Variants in TBC1D4 observed in about 807,000 individuals in gnomAD.
TBC1D4 encodes the protein TBC1 domain family member 4, also known as TBC (Tre-2, BUB2, CDC16) domain-containing protein.
TBC1D4 carries 121 observed loss-of-function variants against 142.5 expected under a neutral mutation model. The ratio of observed to expected loss-of-function variants is 0.85; its 90% CI spans 0.73 to 0.99. The LOEUF is 0.99. Ranked by LOEUF, TBC1D4 falls within the 50% of genes least tolerant of loss-of-function variation. The pLI is 0.00. For missense variants in TBC1D4, 1,475 were observed against 1,606.6 expected, an observed-to-expected ratio of 0.92 and a Z score of 1.40; for synonymous variants, 630 against 628.2, an observed-to-expected ratio of 1.00 and a Z score of -0.04.
At chr13:75,349,779 C>T (rs1881455588) in intron 4 of TBC1D4, among the ~76,000 whole-genome samples, 1 of 152,128 alleles carries the variant, frequency 6.6e-6, no homozygotes, top group Non-Finnish European at 1.5e-5. Context: ...AAGTAAAGTT[C>T]TGGATAAAAA....
chr13:75,378,904 C>T (rs1194232832), intron 1 of TBC1D4, among the ~76,000 whole-genome samples: 5 of 152,026 alleles, frequency 3.3e-5, no homozygotes, highest in African/African-American at 1.2e-4. Flanking sequence ...TCTACAATAC[C>T]TTTCAAAGCT....
At chr13:75,374,967 A>G (rs575775341) in intron 1 of TBC1D4, among the ~76,000 whole-genome samples, 1 of 152,272 alleles carries the variant, frequency 6.6e-6, no homozygotes, top group African/African-American at 2.4e-5. Flanking sequence ...CCTGCCTCCA[A>G]AGTAGCCACA....
rs531116943 is a variant in TBC1D4 at position 75,366,769 on chromosome 13, C to G, written c.499-4162G>C. ...GTTATCATAGTTACTTAACATACTT[C>G]AAAAAACCCATTAACATTTTATAAA... On this transcript the variant is annotated intron_variant, in intron 1 of 20. Transcript: ENST00000377636. 5 of 198,522 alleles carry G rather than the reference C, an allele frequency of 2.5e-5. No individual in the cohort carries two copies. The South Asian group carries it at 8.8e-4, about 35-fold the overall frequency. The allele number at this position is 198,522 out of a possible 1,614,324, so 12.3% of individuals were successfully genotyped here. A position where few individuals can be genotyped will look rare whatever the true frequency, so the allele number is the denominator to read the frequency against.
intron 10 of TBC1D4, among the ~76,000 whole-genome samples, chr13:75,324,602 C>T (rs1277622516): frequency 2.0e-5 from 3 of 152,064 alleles, no homozygotes; most frequent in African/African-American, 7.2e-5. Context: ...CATTCCTTTA[C>T]AATTTGAATT....
At chr13:75,421,077 T>C (rs751607917) in intron 1 of TBC1D4, among the ~76,000 whole-genome samples, 21 of 152,240 alleles carry the variant, frequency 1.4e-4, no homozygotes, top group Non-Finnish European at 2.5e-4. Flanking sequence ...TTCACTTATC[T>C]ATAATGAAGC....
At chr13:75,421,749 T>A (rs891375661) in intron 1 of TBC1D4, among the ~76,000 whole-genome samples, 1 of 152,172 alleles carries the variant, frequency 6.6e-6, no homozygotes, top group African/African-American at 2.4e-5. Context: ...ATATTAAAAA[T>A]AACGAAGTAC....
At chr13:75,336,285 T>C (rs1010788598) in intron 8 of TBC1D4, among the ~76,000 whole-genome samples, 4 of 151,970 alleles carry the variant, frequency 2.6e-5, no homozygotes, top group African/African-American at 4.8e-5. Context: ...TAGTCCCAGC[T>C]ACTCAGGAGG....
chr13:75,421,837 T>C (rs1377954825), intron 1 of TBC1D4, among the ~76,000 whole-genome samples: 9 of 151,340 alleles, frequency 5.9e-5, no homozygotes, highest in Non-Finnish European at 1.3e-4. Flanking sequence ...AAGTTAATTA[T>C]TGTGACTTAA....
intron 4 of TBC1D4, 85 bp from the exon 5 acceptor site, chr13:75,349,387 G>C: frequency 6.5e-7 from 1 of 1,538,970 alleles, no homozygotes; most frequent in African/African-American, 1.4e-5. Context: ...AGCCTTTGTT[G>C]ATGCTGACTA....
intron 1 of TBC1D4, among the ~76,000 whole-genome samples, chr13:75,448,483 G>A (rs773635285): frequency 9.9e-5 from 15 of 151,022 alleles, no homozygotes; most frequent in African/African-American, 1.5e-4. Context: ...TGGGAGAATC[G>A]CTTGAACCCG....
chr13:75,336,801 C>A, intron 8 of TBC1D4, 120 bp downstream of exon 8: 4 of 1,257,394 alleles, frequency 3.2e-6, no homozygotes, highest in East Asian at 2.4e-5. Flanking sequence ...TAAAAGTTAT[C>A]TTAGGTTTTT....
At chr13:75,355,359 G>C (rs139123736) in intron 4 of TBC1D4, among the ~76,000 whole-genome samples, 12 of 152,176 alleles carry the variant, frequency 7.9e-5, no homozygotes, top group African/African-American at 2.9e-4. Flanking sequence ...TGGCATAGGT[G>C]CAAGAATGAG....
chr13:75,391,065 CACA>C (rs1884459157), intron 1 of TBC1D4, among the ~76,000 whole-genome samples: 1 of 130,058 alleles, frequency 7.7e-6, no homozygotes, highest in Non-Finnish European at 1.8e-5. Context: ...CACACACACA[CACA>C]CACACAAACA....
At chr13:75,423,160 G>A (rs1886236734) in intron 1 of TBC1D4, among the ~76,000 whole-genome samples, 1 of 151,948 alleles carries the variant, frequency 6.6e-6, no homozygotes, top group African/African-American at 2.4e-5. Flanking sequence ...CACAAATTAG[G>A]TCTAAATAGA....
intron 1 of TBC1D4, among the ~76,000 whole-genome samples, chr13:75,431,402 G>C (rs760793588): frequency 2.0e-5 from 3 of 152,040 alleles, no homozygotes; most frequent in Admixed American, 6.5e-5. Flanking sequence ...CAATTATGTC[G>C]CTAAAGCTGT....
chr13:75,358,835 G>C (rs1243453218), intron 3 of TBC1D4, among the ~76,000 whole-genome samples: 1 of 152,124 alleles, frequency 6.6e-6, no homozygotes, highest in African/African-American at 2.4e-5. Context: ...CTGCAATCCA[G>C]CCTGGATGAC....
chr13:75,395,855 TAAATA>T (rs1884769939), intron 1 of TBC1D4, among the ~76,000 whole-genome samples: 1 of 151,952 alleles, frequency 6.6e-6, no homozygotes, highest in African/African-American at 2.4e-5. Flanking sequence ...TAAAAATAAA[TAAATA>T]AAAGAAATGA....
chr13:75,460,539 T>C (rs1887925009), intron 1 of TBC1D4, among the ~76,000 whole-genome samples: 1 of 152,050 alleles, frequency 6.6e-6, no homozygotes, highest in South Asian at 2.1e-4. Context: ...AAAGCAGAGA[T>C]GGAGTTCAGA....
In TBC1D4 at chr13:75,312,801, G is replaced by A; in HGVS notation, c.2320C>T (p.Gln774Ter). Residue 774 changes from glutamine (Q) to a stop codon, truncating the protein, a stop_gained, in exon 13 of 21, where the codon CAG becomes TAG. Transcript: ENST00000377636. LOFTEE classifies it high-confidence loss of function. ...SVTPRRISWR[Q>*]RIFLRVASPM... ...GAAGCAACCCTGAGGAAAATGCGCT[G>A]CCGCCAGGAGATCCGGCGAGGAGTG... 6.2e-7 allele frequency: 1 copy of A among 1,614,220 alleles called. No homozygotes were observed. The highest frequency in any genetic ancestry group is 8.5e-7 in the Non-Finnish European group (1 of 1,180,042).
Sources: gnomAD v4.1 joint callset for allele counts (sites outside exome capture counted in the v4.1 genomes callset) on GRCh38, gnomAD v4.1.1 for gene constraint, MANE v1.5 for transcripts, NCBI Gene and HGNC (gene_info 2026-07-23, HGNC 2026-07-21) for gene names.